STYXL1: variants seen among roughly 807,000 people sequenced by gnomAD.
STYXL1 encodes serine/threonine/tyrosine-interacting-like protein 1.
In STYXL1, 32 loss-of-function variants were observed where a neutral mutation model predicts 36.4. That is an observed-to-expected ratio of 0.88 (90% CI 0.66 to 1.18). The LOEUF (loss-of-function observed/expected upper bound fraction) is 1.18, where lower values mean the gene tolerates loss of function less well. Ranked by LOEUF, STYXL1 falls within the 50% of genes most tolerant of loss-of-function variation. The pLI is 0.00. For missense variants in STYXL1, 354 were observed against 394.1 expected (o/e 0.90, Z 0.86); for synonymous variants, 133 against 144.1 (o/e 0.92, Z 0.55).
chr7:76,003,583 A>G (rs1791258820), intron 7 of STYXL1, among the ~76,000 whole-genome samples, 175 bp downstream of exon 7: 1 of 152,190 alleles, frequency 6.6e-6, no homozygotes, highest in Non-Finnish European at 1.5e-5. Flanking sequence ...GCTCCCCAGA[A>G]GTTGGACGTG....
intron 1 of STYXL1, chr7:76,044,112 T>C (rs1333931652): frequency 6.6e-6 from 1 of 152,210 alleles, no homozygotes; most frequent in Non-Finnish European, 1.5e-5. Context: ...GTTAATTACC[T>C]TGGTATTTCC....
intron 6 of STYXL1, among the ~76,000 whole-genome samples, chr7:76,004,807 C>T (rs767332973): frequency 6.6e-6 from 1 of 152,046 alleles, no homozygotes; most frequent in Non-Finnish European, 1.5e-5. Context: ...CGAGACCATC[C>T]TGGCTAACAC....
At position 76,047,964 on chromosome 7, in the gene STYXL1, G is replaced by A; in HGVS notation, c.-307C>T. On this transcript the variant is annotated 5_prime_UTR_variant, in exon 1 of 9. Coordinates refer to ENST00000359697, the MANE Select transcript of STYXL1 (RefSeq NM_001317785.2). ...CCCAGCCAAACACCGGGGTTGCCAG[G>A]ATGGTCCCACAGCTTTCCTTTCCGA... 2.0e-6 allele frequency: 3 copies of A among 1,464,232 alleles called. No homozygotes were observed. Among genetic ancestry groups the A allele is most frequent in the East Asian group, 2.5e-5 (1 of 39,638 alleles). The allele number at this position is 1,464,232 out of a possible 1,614,324, so 90.7% of individuals were successfully genotyped here. A position where few individuals can be genotyped will look rare whatever the true frequency, so the allele number is the denominator to read the frequency against.
At chr7:76,000,756 A>G in intron 8 of STYXL1, 134 bp downstream of exon 8, 2 of 699,156 alleles carry the variant, frequency 2.9e-6, no homozygotes, top group Non-Finnish European at 5.1e-6. Context: ...CGGACTGGGG[A>G]GCACCCTAGA....
chr7:76,026,875 T>A (rs1170890204), intron 3 of STYXL1, among the ~76,000 whole-genome samples: 1 of 152,086 alleles, frequency 6.6e-6, no homozygotes, highest in African/African-American at 2.4e-5. Flanking sequence ...GGTGAAACCC[T>A]GTCTCTACTA....
intron 8 of STYXL1, among the ~76,000 whole-genome samples, chr7:75,999,727 TA>T (rs1162279171): frequency 1.3e-5 from 2 of 151,928 alleles, no homozygotes; most frequent in Non-Finnish European, 2.9e-5. Context: ...TTTGTATTTT[TA>T]GTAGAGGGGG....
rs71082374 is a variant in STYXL1 at position 76,017,866 on chromosome 7, C to CAAAAAAAAAAA, written c.307+3974_308-3980dup. ...GGGCAACAAGAGCAAAACTCCATCT[C>CAAAAAAAAAAA]AAAAAAAAAAAAAAAGGCAAGACAG... On this transcript the variant is annotated intron_variant, in intron 4 of 8. Coordinates refer to ENST00000359697, the MANE Select transcript of STYXL1 (RefSeq NM_001317785.2). Among the ~76,000 whole-genome samples, 28 of 10,362 alleles carry CAAAAAAAAAAA rather than the reference C, an allele frequency of 2.7e-3. 9 individuals are homozygous for CAAAAAAAAAAA. The highest frequency in any genetic ancestry group is 0.25 in the Middle Eastern group (1 of 4). The allele number at this position is 10,362 out of a possible 152,430, so 6.8% of individuals were successfully genotyped here.
intron 4 of STYXL1, among the ~76,000 whole-genome samples, chr7:76,019,431 G>A (rs1793784196): frequency 6.6e-6 from 1 of 151,866 alleles, no homozygotes; most frequent in African/African-American, 2.4e-5. Flanking sequence ...TGAGTAGCTG[G>A]TGCTACAGGC....
chr7:75,998,741 C>T (rs544610666), intron 8 of STYXL1: 2 of 152,172 alleles, frequency 1.3e-5, no homozygotes, highest in South Asian at 4.1e-4. Context: ...ATCAAAAAAA[C>T]CAAAAGCCGG....
intron 1 of STYXL1, among the ~76,000 whole-genome samples, chr7:76,043,532 G>A (rs1324139135): frequency 6.6e-6 from 1 of 151,858 alleles, no homozygotes; most frequent in African/African-American, 2.4e-5. Flanking sequence ...GAAGCCAGGG[G>A]CTGAGGGAGG....
chr7:76,014,784 ATATAT>A (rs1467442352), intron 4 of STYXL1, among the ~76,000 whole-genome samples: 23 of 149,026 alleles, frequency 1.5e-4, no homozygotes, highest in Admixed American at 4.0e-4. Context: ...ATATACATGT[ATATAT>A]TATATTTATA....
chr7:76,005,148 C>A, intron 6 of STYXL1, 111 bp downstream of exon 6: 1 of 665,712 alleles, frequency 1.5e-6, no homozygotes, highest in Non-Finnish European at 2.0e-6. Context: ...GCACATGTAC[C>A]CTAAAACGTA....
chr7:76,030,315 A>C, intron 2 of STYXL1, 106 bp downstream of exon 2: 51 of 721,816 alleles, frequency 7.1e-5, no homozygotes, highest in Non-Finnish European at 8.1e-5. Context: ...TCCCTGTTCT[A>C]AAGTCATTCA....
intron 8 of STYXL1, among the ~76,000 whole-genome samples, chr7:75,999,914 C>T (rs1205572262): frequency 6.6e-6 from 1 of 152,034 alleles, no homozygotes; most frequent in African/African-American, 2.4e-5. Context: ...AGTCAAAAGG[C>T]TTACTATGTC....
intron 4 of STYXL1, among the ~76,000 whole-genome samples, chr7:76,018,946 T>C (rs145704775): frequency 9.9e-4 from 151 of 152,340 alleles, no homozygotes; most frequent in African/African-American, 3.3e-3. Context: ...GTTCGCAGTG[T>C]ATGAGGCTTC....
chr7:76,042,390 CTTTTTT>C lies in STYXL1; in HGVS notation c.-5+5266_-5+5271del, dbSNP rs528469396. 1.9e-4 allele frequency among the ~76,000 whole-genome samples: 8 copies of C among 41,832 alleles called. No individual in the cohort carries two copies. The South Asian group carries it at 4.2e-3, about 22-fold the overall frequency. The allele number at this position is 41,832 out of a possible 152,430, so 27.4% of individuals were successfully genotyped here. ...ACTGCTCCCTGGGTGCCCTTATGTGCTTTTTTTTTTTTTTTTTTTTTTTTTTTTTTT... is the reference window on the plus strand; with the variant it reads ...ACTGCTCCCTGGGTGCCCTTATGTGCTTTTTTTTTTTTTTTTTTTTTTTTT... On this transcript the variant is annotated intron_variant, in intron 1 of 8. Coordinates refer to ENST00000359697, the MANE Select transcript of STYXL1 (RefSeq NM_001317785.2).
In STYXL1 at chr7:76,006,778, A is replaced by AC. The variant is rs577687540; in HGVS notation, c.454-1375_454-1374insG. The stretch of plus-strand genomic sequence containing the variant: ...GACTCCGTCTCAAAAAAAAAAAAAA[A>AC]AAAACAAAACAACAACAACAACAAC... On this transcript the variant is annotated intron_variant, in intron 5 of 8. Transcript: ENST00000359697. 2.6e-3 allele frequency among the ~76,000 whole-genome samples: 392 copies of AC among 148,088 alleles called. 5 individuals carry two copies. Among genetic ancestry groups the AC allele is most frequent in the Middle Eastern group, 0.014 (4 of 284 alleles).
chr7:75,999,577 C>T (rs551634127), intron 8 of STYXL1, among the ~76,000 whole-genome samples: 9 of 145,216 alleles, frequency 6.2e-5, no homozygotes, highest in Non-Finnish European at 1.1e-4. Context: ...GACAGAGTTT[C>T]GCTCTTGTCA....
At chr7:76,014,116 C>T (rs572359348) in intron 4 of STYXL1, among the ~76,000 whole-genome samples, 93 of 151,782 alleles carry the variant, frequency 6.1e-4, no homozygotes, top group African/African-American at 2.1e-3. Context: ...GTAGCTGGGA[C>T]TACAGGCGCC....
Sources: allele counts gnomAD v4.1 joint callset (sites outside exome capture counted in the v4.1 genomes callset), GRCh38; gene constraint gnomAD v4.1.1; transcripts MANE v1.5; gene names NCBI Gene and HGNC (gene_info 2026-07-23, HGNC 2026-07-21).